Variants in PPFIA2 observed in about 807,000 individuals in gnomAD.
The protein encoded by PPFIA2 is liprin-alpha-2.
Under a neutral mutation model 175.5 loss-of-function variants are expected in PPFIA2, and 46 were observed. The observed-to-expected ratio is 0.26, with a 90% confidence interval of 0.21 to 0.34. The LOEUF is 0.34. PPFIA2 is among the 10% of genes least tolerant of loss of function. The pLI, the probability that PPFIA2 is intolerant of heterozygous loss-of-function variation, is 1.00. For synonymous variants in PPFIA2, 568 were observed against 511.4 expected (o/e 1.11, Z -1.49); for missense variants, 1,179 against 1,506.1 (o/e 0.78, Z 3.60).
At chr12:81,470,573 A>G (rs2056550161) in intron 4 of PPFIA2, among the ~76,000 whole-genome samples, 1 of 152,224 alleles carries the variant, frequency 6.6e-6, no homozygotes, top group South Asian at 2.1e-4. Context: ...CTAGGTATAT[A>G]CCCAAGAAAA....
At chr12:81,274,540 G>T (rs773415910) in intron 28 of PPFIA2, among the ~76,000 whole-genome samples, 1 of 151,526 alleles carries the variant, frequency 6.6e-6, no homozygotes, top group Non-Finnish European at 1.5e-5. Flanking sequence ...TTTAAAGTTA[G>T]ATCTCTTTCC....
chr12:81,647,585 C>A (rs1317297049), intron 4 of PPFIA2, among the ~76,000 whole-genome samples: 1 of 151,366 alleles, frequency 6.6e-6, no homozygotes. Flanking sequence ...CATGGTGAAA[C>A]CCTGTCTCTA....
At position 81,384,139 on chromosome 12, in the gene PPFIA2, G is replaced by A. The variant is rs755923954; in HGVS notation, c.868C>T (p.Arg290Cys). Residue 290 changes from arginine (R) to cysteine (C), a missense_variant, in exon 9 of 33, where the codon CGT (arginine) becomes TGT (cysteine). Physicochemically the swap from Arg to Cys is radical, Grantham distance 180. Around this residue, in one of 10 missense-constraint regions of PPFIA2, gnomAD observed 226 missense variants for 216.6 expected, o/e 1.04. Transcript: ENST00000549396. ...ACTCGGGAAGAAAGGGCTGCTAAAC[G>A]TTCTTTCATCTGGGCCATTTCATAG... ...QNYEMAQMKE[R>C]LAALSSRVGE... The A allele has an allele frequency of 1.9e-5, 31 of 1,612,608 alleles. No individual in the cohort carries two copies. The highest frequency in any genetic ancestry group is 4.0e-5 in the African/African-American group (3 of 74,860).
intron 4 of PPFIA2, among the ~76,000 whole-genome samples, chr12:81,657,440 G>A (rs887432318): frequency 1.3e-5 from 2 of 152,018 alleles, no homozygotes; most frequent in African/African-American, 2.4e-5. Context: ...CTGTTGCCTC[G>A]GGCTATCCTG....
intron 4 of PPFIA2, among the ~76,000 whole-genome samples, chr12:81,550,893 G>A (rs1377751456): frequency 2.0e-5 from 3 of 151,936 alleles, no homozygotes; most frequent in African/African-American, 7.2e-5. Context: ...GAAGGAAATT[G>A]GAAGAACCAG....
intron 4 of PPFIA2, among the ~76,000 whole-genome samples, chr12:81,524,732 A>G (rs1404638855): frequency 6.6e-6 from 1 of 152,212 alleles, no homozygotes; most frequent in Non-Finnish European, 1.5e-5. Context: ...TGCATTTTAC[A>G]TTTGAGAAGG....
chr12:81,578,883 T>C (rs2073998287), intron 4 of PPFIA2, among the ~76,000 whole-genome samples: 1 of 151,778 alleles, frequency 6.6e-6, no homozygotes, highest in Admixed American at 6.6e-5. Context: ...TTGATACACC[T>C]CTTAAATGAA....
chr12:81,613,051 C>A (rs985064676), intron 4 of PPFIA2, among the ~76,000 whole-genome samples: 2 of 151,896 alleles, frequency 1.3e-5, no homozygotes, highest in African/African-American at 4.8e-5. Flanking sequence ...TTTTGTTGGT[C>A]CTTTGACAGA....
At position 81,732,394 on chromosome 12, in the gene PPFIA2, G is replaced by A. The variant is rs181627026; in HGVS notation, c.249+21579C>T. On this transcript the variant is annotated intron_variant, in intron 3 of 32. Coordinates refer to ENST00000549396, the MANE Select transcript of PPFIA2 (RefSeq NM_003625.5). ...TAATACAAATTGGAAAGTCCAGTGTGGGGAAAAGAGCAAGGACAGAGAAGT... is the reference window on the plus strand; with the variant it reads ...TAATACAAATTGGAAAGTCCAGTGTAGGGAAAAGAGCAAGGACAGAGAAGT... Among the ~76,000 whole-genome samples the A allele has an allele frequency of 6.6e-5, 10 of 151,510 alleles. No homozygotes were observed. In the East Asian group the frequency reaches 1.8e-3, roughly 27 times the overall value.
chr12:81,608,012 G>T (rs982349302), intron 4 of PPFIA2, among the ~76,000 whole-genome samples: 16 of 151,952 alleles, frequency 1.1e-4, no homozygotes, highest in African/African-American at 3.6e-4. Context: ...AAGAGATGTT[G>T]AATTTTATCA....
chr12:81,596,003 T>G (rs1012881918), intron 4 of PPFIA2, among the ~76,000 whole-genome samples: 1 of 152,188 alleles, frequency 6.6e-6, no homozygotes, highest in African/African-American at 2.4e-5. Context: ...ACAACCATTT[T>G]TGAAAATTTA....
rs1169095178 is a variant in PPFIA2, at chr12:81,259,622, G to T, written c.*72C>A. The T allele has an allele frequency of 3.3e-6, 5 of 1,531,744 alleles. No homozygotes were observed. In the East Asian group the frequency reaches 9.8e-5, roughly 30 times the overall value. The allele number at this position is 1,531,744 out of a possible 1,614,324, so 94.9% of individuals were successfully genotyped here. On this transcript the variant is annotated 3_prime_UTR_variant, in exon 33 of 33. Coordinates refer to ENST00000549396, the MANE Select transcript of PPFIA2 (RefSeq NM_003625.5). Reference sequence around the variant, plus strand: ...TTTTCACTGCTCGTCTTCTTAGATGGTAGTGCACTTTAGGTAGAGTAGACT... The same window carrying T: ...TTTTCACTGCTCGTCTTCTTAGATGTTAGTGCACTTTAGGTAGAGTAGACT...
chr12:81,370,124 A>G (rs761881248), intron 11 of PPFIA2, among the ~76,000 whole-genome samples: 3 of 151,854 alleles, frequency 2.0e-5, no homozygotes, highest in Non-Finnish European at 4.4e-5. Flanking sequence ...TAATGGAAAC[A>G]GTAGTTTCAC....
At chr12:81,606,745 C>T (rs1287162205) in intron 4 of PPFIA2, among the ~76,000 whole-genome samples, 2 of 151,920 alleles carry the variant, frequency 1.3e-5, no homozygotes, top group African/African-American at 4.8e-5. Context: ...ACAAATATTT[C>T]CTCCCATTCT....
At chr12:81,508,260 G>T (rs557757050) in intron 4 of PPFIA2, among the ~76,000 whole-genome samples, 1 of 151,954 alleles carries the variant, frequency 6.6e-6, no homozygotes, top group East Asian at 1.9e-4. Flanking sequence ...GGTGGGTCAC[G>T]CCTGTAATCC....
chr12:81,335,982 C>A (rs2057068845), intron 21 of PPFIA2, among the ~76,000 whole-genome samples: 1 of 152,092 alleles, frequency 6.6e-6, no homozygotes, highest in Admixed American at 6.6e-5. Flanking sequence ...GAAGAACAAA[C>A]CCTCACTGAT....
At chr12:81,305,895 C>A (rs375865995) in intron 22 of PPFIA2, among the ~76,000 whole-genome samples, 16 of 152,266 alleles carry the variant, frequency 1.1e-4, no homozygotes, top group African/African-American at 3.9e-4. Flanking sequence ...AAGTCACAGA[C>A]CATAGGGAAC....
intron 14 of PPFIA2, among the ~76,000 whole-genome samples, chr12:81,366,193 T>C (rs2033364751): frequency 6.6e-6 from 1 of 151,192 alleles, no homozygotes; most frequent in South Asian, 2.1e-4. Context: ...TTAGCAATCC[T>C]TTCTTCTTTA....
intron 4 of PPFIA2, among the ~76,000 whole-genome samples, chr12:81,482,638 C>T (rs1449229438): frequency 6.6e-6 from 1 of 152,136 alleles, no homozygotes; most frequent in Non-Finnish European, 1.5e-5. Context: ...AACACAGGAA[C>T]AGAAAACCAA....
Sources: allele counts gnomAD v4.1 joint callset (sites outside exome capture counted in the v4.1 genomes callset), GRCh38; gene constraint gnomAD v4.1.1; regional missense constraint gnomAD v4.1.1; transcripts MANE v1.5; gene names NCBI Gene and HGNC (gene_info 2026-07-23, HGNC 2026-07-21).